Variants in THNSL1 observed in about 807,000 individuals in gnomAD.
THNSL1 encodes the protein threonine synthase like 1, also known as threonine synthase-like 1.
THNSL1 carries 48 observed loss-of-function variants against 50.4 expected under a neutral mutation model. The observed-to-expected ratio is 0.95, with a 90% confidence interval of 0.76 to 1.21. THNSL1 has a LOEUF of 1.21. Among genes scored for constraint, THNSL1 ranks in the 50% most tolerant of loss-of-function variants. THNSL1 has a pLI of 0.00. For missense variants in THNSL1, 896 were observed against 871.7 expected (o/e 1.03, Z -0.35); for synonymous variants, 309 against 306.1 (o/e 1.01, Z -0.10).
the THNSL1 span, among the ~76,000 whole-genome samples, chr10:25,006,433 A>G: frequency 6.6e-6 from 1 of 151,952 alleles, no homozygotes; most frequent in Non-Finnish European, 1.5e-5. Flanking sequence ...TTTGGACAAT[A>G]TGACTTAGAG....
At chr10:24,995,505 A>G in the THNSL1 span, 1 of 725,354 alleles carries the variant, frequency 1.4e-6, no homozygotes, top group Non-Finnish European at 2.2e-6. Context: ...GACCAAACAC[A>G]GATTGCAGAA....
Position 25,025,545 on chromosome 10 carries a change from T to C in THNSL1, c.*90T>C. ...TTGGAGTACAGTAGCATTTTGTCTT[T>C]TATGTAAATATCTCTATATCTGTTT... On this transcript the variant is annotated 3_prime_UTR_variant, in exon 3 of 3. Transcript: ENST00000376356. The C allele has an allele frequency of 6.3e-6, 8 of 1,262,158 alleles. No homozygotes were observed. Among genetic ancestry groups the C allele is most frequent in the Non-Finnish European group, 8.8e-6 (8 of 912,802 alleles). 78.2% of individuals were successfully genotyped at this position (1,262,158 alleles called of 1,614,324 possible).
upstream of THNSL1, among the ~76,000 whole-genome samples, chr10:25,014,712 A>G (rs1384953580): frequency 6.6e-6 from 1 of 152,242 alleles, no homozygotes; most frequent in Non-Finnish European, 1.5e-5. Context: ...GAAAATTTGA[A>G]AATAAATTCT....
At chr10:25,018,431 C>T (rs993207173) in intron 1 of THNSL1, among the ~76,000 whole-genome samples, 26 of 152,116 alleles carry the variant, frequency 1.7e-4, no homozygotes, top group African/African-American at 6.0e-4. Context: ...CTTTTTAGGC[C>T]AAGTGGTTAT....
At chr10:24,970,259 G>T in the THNSL1 span, among the ~76,000 whole-genome samples, 17 of 152,218 alleles carry the variant, frequency 1.1e-4, no homozygotes, top group African/African-American at 3.9e-4. Flanking sequence ...TAAATGGAAG[G>T]GTAATCACTG....
At chr10:25,009,418 AT>A in the THNSL1 span, among the ~76,000 whole-genome samples, 27 of 152,324 alleles carry the variant, frequency 1.8e-4, no homozygotes, top group Non-Finnish European at 3.8e-4. Flanking sequence ...AAAAAATAAG[AT>A]TATGTGATTA....
the THNSL1 span, among the ~76,000 whole-genome samples, chr10:25,010,283 C>G: frequency 6.6e-6 from 1 of 152,034 alleles, no homozygotes. Context: ...TTGCCCCTGC[C>G]CTAAAGATTT....
the THNSL1 span, among the ~76,000 whole-genome samples, chr10:24,992,178 A>G: frequency 6.6e-6 from 1 of 152,246 alleles, no homozygotes; most frequent in African/African-American, 2.4e-5. Context: ...TGCTAGGAAT[A>G]CTAGTGAATA....
chr10:24,996,249 C>T, the THNSL1 span, among the ~76,000 whole-genome samples: 1 of 152,072 alleles, frequency 6.6e-6, no homozygotes, highest in Non-Finnish European at 1.5e-5. Flanking sequence ...ACAGTGAAAC[C>T]CCATCTCTGC....
In THNSL1 at chr10:25,024,174, T is replaced by C. The variant is rs779180601; in HGVS notation, c.951T>C (p.Ala317=). The part of the protein sequence containing the change: ...AARLGEMIET[A]YGENFACSKI... ...GGTTGGGAGAAATGATTGAAACTGCTTATGGGGAAAACTTTGCCTGCTCAA... is the reference window on the plus strand; with the variant it reads ...GGTTGGGAGAAATGATTGAAACTGCCTATGGGGAAAACTTTGCCTGCTCAA... Residue 317 remains alanine, a synonymous_variant, in exon 3 of 3, where the codon GCT becomes GCC. Transcript: ENST00000376356. 6.2e-7 allele frequency: 1 copy of C among 1,614,190 alleles called. No homozygotes were observed. The highest frequency in any genetic ancestry group is 2.2e-5 in the East Asian group (1 of 44,882).
At chr10:24,999,333 C>A in the THNSL1 span, 25 of 1,461,502 alleles carry the variant, frequency 1.7e-5, no homozygotes, top group Non-Finnish European at 2.2e-5. Flanking sequence ...TATTCATCAA[C>A]AATAAAATAA....
At chr10:25,011,967 A>C (rs1044475655), upstream of THNSL1, among the ~76,000 whole-genome samples, 1 of 152,140 alleles carries the variant, frequency 6.6e-6, no homozygotes, top group Non-Finnish European at 1.5e-5. Context: ...TAGGAGAAAA[A>C]ATGGTTTCAT....
At chr10:25,014,691 G>A (rs909322597), upstream of THNSL1, among the ~76,000 whole-genome samples, 5 of 152,116 alleles carry the variant, frequency 3.3e-5, no homozygotes, top group African/African-American at 7.2e-5. Context: ...CCAAAAGTTG[G>A]TGCAACAATA....
the THNSL1 span, among the ~76,000 whole-genome samples, chr10:24,996,857 C>T: frequency 6.6e-6 from 1 of 152,104 alleles, no homozygotes; most frequent in Admixed American, 6.5e-5. Flanking sequence ...CCCCCAGTAT[C>T]TCAGAATATA....
At chr10:24,952,758 C>G in the THNSL1 span, among the ~76,000 whole-genome samples, 6 of 151,676 alleles carry the variant, frequency 4.0e-5, no homozygotes, top group Admixed American at 3.9e-4. This position sits in a 1 kb window ranked among gnomAD's most constrained non-coding sequence, Gnocchi z 5.1. Context: ...ATCCATGGCC[C>G]CGGCGCTGCG....
chr10:24,952,734 G>T, the THNSL1 span: 1 of 679,940 alleles, frequency 1.5e-6, no homozygotes, highest in African/African-American at 1.9e-5. The surrounding 1 kb of genome is among the most constrained non-coding windows in gnomAD (Gnocchi z 5.1). Context: ...GCGGGAAGCA[G>T]CGGCCTGACG....
At chr10:25,017,336 G>C in intron 1 of THNSL1, among the ~76,000 whole-genome samples, 1 of 152,122 alleles carries the variant, frequency 6.6e-6, no homozygotes, top group East Asian at 1.9e-4. Flanking sequence ...TTTTACCCGA[G>C]TGTTTAAAAG....
chr10:24,977,551 T>TA, the THNSL1 span, among the ~76,000 whole-genome samples: 9 of 152,150 alleles, frequency 5.9e-5, no homozygotes, highest in African/African-American at 2.2e-4. Context: ...ATCAATAGGG[T>TA]ACTGGTGAAG....
At chr10:25,010,116 T>A in the THNSL1 span, among the ~76,000 whole-genome samples, 1 of 152,150 alleles carries the variant, frequency 6.6e-6, no homozygotes, top group Non-Finnish European at 1.5e-5. Context: ...AGTTTGGAGC[T>A]TCCTAGAGAC....
Sources: allele counts gnomAD v4.1 joint callset (sites outside exome capture counted in the v4.1 genomes callset), GRCh38; gene constraint gnomAD v4.1.1; non-coding constraint Gnocchi (gnomAD v3.1); transcripts MANE v1.5; gene names NCBI Gene and HGNC (gene_info 2026-07-23, HGNC 2026-07-21).